SLC4A4: variants seen among roughly 807,000 people sequenced by gnomAD.
SLC4A4 encodes solute carrier family 4 member 4, also known as electrogenic sodium bicarbonate cotransporter 1.
Under a neutral mutation model 111.5 loss-of-function variants are expected in SLC4A4, and 27 were observed. The ratio of observed to expected loss-of-function variants is 0.24; its 90% confidence interval spans 0.18 to 0.33. SLC4A4 has a LOEUF of 0.33. Ranked by LOEUF, SLC4A4 falls within the 10% of genes least tolerant of loss-of-function variation. The probability of loss-of-function intolerance (pLI) is 1.00; values close to 1 mark genes in which losing one functional copy is unlikely to be tolerated. For missense variants in SLC4A4, 909 were observed against 1,315.5 expected, an observed-to-expected ratio of 0.69 and a Z score of 4.78; for synonymous variants, 443 against 463.4, an observed-to-expected ratio of 0.96 and a Z score of 0.57.
In SLC4A4 at chr4:71,357,187, G is replaced by T; in HGVS notation, c.730G>T (p.Gly244Cys). ...ASRMFTNPDN[G>C]SPAMTHRNLT... The stretch of plus-strand genomic sequence containing the variant: ...TAGGATGTTTACCAACCCTGATAAT[G>T]GTAATGCAGAGGCCAGCTGGCTGCT... Residue 244 changes from glycine (G) to cysteine (C), a missense_variant and splice_region_variant, in exon 6 of 26, where the codon GGT becomes TGT. This residue lies in a region of SLC4A4 where 312 missense variants were observed against 402.0 expected (regional missense o/e 0.78). Coordinates refer to ENST00000264485, the MANE Select transcript of SLC4A4 (RefSeq NM_001098484.3). 6.2e-7 allele frequency: 1 copy of T among 1,613,898 alleles called. No individual in the cohort carries two copies.
At chr4:71,143,454 G>T (rs530636927) in intron 2 of SLC4A4, among the ~76,000 whole-genome samples, 145 of 152,226 alleles carry the variant, frequency 9.5e-4, no homozygotes, top group African/African-American at 3.4e-3. Flanking sequence ...AATCCTTTGG[G>T]TATATACCCA....
chr4:71,546,680 A>C (rs895438994), intron 19 of SLC4A4, 152 bp downstream of exon 19: 2 of 729,988 alleles, frequency 2.7e-6, no homozygotes, highest in Non-Finnish European at 4.7e-6. Flanking sequence ...CTAAATTTTC[A>C]TCAGAGGTTT....
chr4:71,281,287 A>T (rs1723493887), intron 3 of SLC4A4, among the ~76,000 whole-genome samples: 2 of 152,320 alleles, frequency 1.3e-5, no homozygotes, highest in Admixed American at 1.3e-4. Context: ...TTGGGGTCTG[A>T]GTCCAACTTT....
intron 3 of SLC4A4, among the ~76,000 whole-genome samples, chr4:71,325,968 A>C (rs918263668): frequency 2.6e-5 from 4 of 151,856 alleles, no homozygotes; most frequent in African/African-American, 9.7e-5. Flanking sequence ...TTTATTTATA[A>C]AGGTGAAAAT....
chr4:71,179,902 G>T (rs146715667), intron 2 of SLC4A4, among the ~76,000 whole-genome samples: 151,936 of 152,314 alleles, frequency 1, 75,782 homozygotes, highest in Middle Eastern at 1. Context: ...AAGTCAATCC[G>T]AAGCCAAAAG....
chr4:71,479,236 T>C (rs79915154), intron 14 of SLC4A4, among the ~76,000 whole-genome samples: 1,896 of 151,848 alleles, frequency 0.012, 23 homozygotes, highest in Non-Finnish European at 0.017. Context: ...GTCTATATTA[T>C]CTTCAAGTAA....
chr4:71,565,291 A>T (rs1305452516), intron 24 of SLC4A4, among the ~76,000 whole-genome samples: 1 of 151,884 alleles, frequency 6.6e-6, no homozygotes, highest in East Asian at 2.0e-4. Flanking sequence ...TTTTCCTGCC[A>T]CATCTCCTCA....
At chr4:71,517,658 G>A (rs1732533509) in intron 16 of SLC4A4, among the ~76,000 whole-genome samples, 1 of 152,042 alleles carries the variant, frequency 6.6e-6, no homozygotes, top group Admixed American at 6.6e-5. Flanking sequence ...CTTTAGTGGT[G>A]TCATGTTTCC....
At chr4:71,273,389 G>C (rs773072451) in intron 3 of SLC4A4, among the ~76,000 whole-genome samples, 4 of 152,138 alleles carry the variant, frequency 2.6e-5, no homozygotes, top group Non-Finnish European at 5.9e-5. Flanking sequence ...GCATAATATT[G>C]CTTGCTTAGT....
chr4:71,347,943 A>G (rs1414848710), intron 4 of SLC4A4, among the ~76,000 whole-genome samples: 1 of 152,194 alleles, frequency 6.6e-6, no homozygotes, highest in Non-Finnish European at 1.5e-5. Context: ...TTATAGATAG[A>G]TGACATAATT....
chr4:71,118,445 T>C (rs1743332445), intron 2 of SLC4A4, among the ~76,000 whole-genome samples: 1 of 152,220 alleles, frequency 6.6e-6, no homozygotes, highest in Non-Finnish European at 1.5e-5. Flanking sequence ...ATTACTATTG[T>C]TATATTATGC....
chr4:71,165,154 A>G (rs1744709236), intron 2 of SLC4A4, among the ~76,000 whole-genome samples: 1 of 152,222 alleles, frequency 6.6e-6, no homozygotes, highest in African/African-American at 2.4e-5. Context: ...GAGATTCCTC[A>G]AGGATCTAAA....
intron 2 of SLC4A4, among the ~76,000 whole-genome samples, chr4:71,134,909 A>G (rs1743802880): frequency 6.6e-6 from 1 of 152,122 alleles, no homozygotes; most frequent in Non-Finnish European, 1.5e-5. Flanking sequence ...CTGTGCAGTT[A>G]AGAGCTGACC....
At chr4:71,313,798 C>T (rs530913885) in intron 3 of SLC4A4, among the ~76,000 whole-genome samples, 18 of 152,230 alleles carry the variant, frequency 1.2e-4, no homozygotes, top group Admixed American at 3.3e-4. Context: ...AAATGTAAAA[C>T]CTAAAACTGT....
At chr4:71,381,982 G>A (rs914112512) in intron 6 of SLC4A4, among the ~76,000 whole-genome samples, 1 of 152,168 alleles carries the variant, frequency 6.6e-6, no homozygotes, top group Non-Finnish European at 1.5e-5. Flanking sequence ...TAGGTAGTGA[G>A]AGATCTAGAC....
intron 6 of SLC4A4, among the ~76,000 whole-genome samples, chr4:71,373,917 A>G (rs560961851): frequency 6.6e-6 from 1 of 152,318 alleles, no homozygotes; most frequent in East Asian, 1.9e-4. Flanking sequence ...GCAACCAGGA[A>G]GATCATAGGA....
chr4:71,263,744 A>G (rs1336279616), intron 3 of SLC4A4, among the ~76,000 whole-genome samples: 1 of 152,222 alleles, frequency 6.6e-6, no homozygotes, highest in African/African-American at 2.4e-5. Context: ...TAATTTGTAC[A>G]TAATTAAAAT....
At chr4:71,174,299 G>A (rs1447035731) in intron 2 of SLC4A4, among the ~76,000 whole-genome samples, 1 of 146,798 alleles carries the variant, frequency 6.8e-6, no homozygotes, top group Non-Finnish European at 1.5e-5. Flanking sequence ...TGTTGCCTCT[G>A]AGCACAGAGG....
intron 6 of SLC4A4, among the ~76,000 whole-genome samples, chr4:71,373,164 CA>C (rs1732040112): frequency 6.6e-6 from 1 of 152,072 alleles, no homozygotes; most frequent in East Asian, 1.9e-4. Context: ...AGCTGTTCAC[CA>C]AGCTTCCACT....
Sources: gnomAD v4.1 joint callset for allele counts (sites outside exome capture counted in the v4.1 genomes callset) on GRCh38, gnomAD v4.1.1 for gene constraint, gnomAD v4.1.1 regional missense constraint, MANE v1.5 for transcripts, NCBI Gene and HGNC (gene_info 2026-07-23, HGNC 2026-07-21) for gene names.